Variants in E2F5 observed in about 807,000 individuals in gnomAD.
E2F5 encodes the protein transcription factor E2F5.
E2F5 carries 23 observed loss-of-function variants against 39.1 expected under a neutral mutation model. The observed-to-expected ratio is 0.59, with a 90% CI of 0.42 to 0.83. The LOEUF is 0.83. Among genes scored for constraint, E2F5 ranks in the 40% least tolerant of loss-of-function variants. The pLI is 0.00. For missense variants in E2F5, 365 were observed against 406.7 expected (o/e 0.90, Z 0.88); for synonymous variants, 145 against 157.8 (o/e 0.92, Z 0.61).
intron 1 of E2F5, among the ~76,000 whole-genome samples, chr8:85,184,112 G>C (rs1812277049): frequency 6.6e-6 from 1 of 152,142 alleles, no homozygotes; most frequent in African/African-American, 2.4e-5. Flanking sequence ...GAACGTCGAT[G>C]CAAAAATCCT....
At chr8:85,212,371 G>T in intron 7 of E2F5, 167 bp downstream of exon 7, 1 of 551,170 alleles carries the variant, frequency 1.8e-6, no homozygotes, top group Non-Finnish European at 3.2e-6. Context: ...GCAACCTTCA[G>T]AATTTATTTT....
At chr8:85,192,109 G>A (rs1812480099) in intron 1 of E2F5, among the ~76,000 whole-genome samples, 1 of 152,134 alleles carries the variant, frequency 6.6e-6, no homozygotes, top group African/African-American at 2.4e-5. Flanking sequence ...CTGAGTCTAT[G>A]GGAATAGGAA....
chr8:85,210,237 G>T (rs1274517572), intron 6 of E2F5, among the ~76,000 whole-genome samples: 1 of 152,130 alleles, frequency 6.6e-6, no homozygotes, highest in African/African-American at 2.4e-5. Flanking sequence ...GTGTCTCATT[G>T]CTAAAATGGG....
intron 1 of E2F5, among the ~76,000 whole-genome samples, chr8:85,184,392 A>G (rs995633694): frequency 1.2e-4 from 19 of 152,236 alleles, no homozygotes; most frequent in Non-Finnish European, 2.4e-4. Flanking sequence ...ATTTATGACA[A>G]ATCCACAGCC....
chr8:85,213,896 T>A lies in E2F5; in HGVS notation c.*34T>A, dbSNP rs1813020011. On this transcript the variant is annotated 3_prime_UTR_variant, in exon 8 of 8. Transcript: ENST00000416274. ...GAAACTTGGGACTGTTATCTACCTC[T>A]AACTGTGTAACATTTTAGACTTCTT... The A allele has an allele frequency of 8.2e-7, 1 of 1,223,238 alleles. No individual in the cohort carries two copies. The highest frequency in any genetic ancestry group is 1.2e-6 in the Non-Finnish European group (1 of 834,392). 75.8% of individuals were successfully genotyped at this position (1,223,238 alleles called of 1,614,324 possible).
chr8:85,203,335 C>T (rs1812732721), intron 3 of E2F5, 80 bp downstream of exon 3: 1 of 1,226,786 alleles, frequency 8.2e-7, no homozygotes. Context: ...AAAGATCATT[C>T]ACTTTGTTTT....
intron 1 of E2F5, chr8:85,200,426 A>G (rs1268485063): frequency 4.3e-6 from 2 of 470,306 alleles, no homozygotes; most frequent in Non-Finnish European, 5.6e-6. Flanking sequence ...GCAGTAATAA[A>G]TATAAATGAT....
intron 1 of E2F5, chr8:85,177,968 A>T (rs1812123115): frequency 5.6e-6 from 1 of 179,706 alleles, no homozygotes; most frequent in African/African-American, 2.4e-5. Context: ...ACCTGAGGGT[A>T]ACCGAGTGTC....
intron 4 of E2F5, 111 bp from the exon 5 acceptor site, chr8:85,207,314 C>CA (rs1463759828): frequency 5.8e-5 from 46 of 790,088 alleles, no homozygotes; most frequent in Non-Finnish European, 9.9e-6. Flanking sequence ...AGCTCAAGGT[C>CA]ACCTAGTTTG....
At chr8:85,183,280 C>G (rs1046775921) in intron 1 of E2F5, among the ~76,000 whole-genome samples, 4 of 152,122 alleles carry the variant, frequency 2.6e-5, no homozygotes, top group African/African-American at 9.7e-5. Context: ...CAACAAAAGA[C>G]CCTAGTTTGT....
At chr8:85,190,081 A>G (rs1163106548) in intron 1 of E2F5, among the ~76,000 whole-genome samples, 1 of 152,176 alleles carries the variant, frequency 6.6e-6, no homozygotes, top group Non-Finnish European at 1.5e-5. Context: ...GATCCTGCCT[A>G]GTCTGGCCCT....
intron 2 of E2F5, 38 bp from the exon 3 acceptor site, chr8:85,203,056 T>C (rs371244692): frequency 5.4e-5 from 74 of 1,363,064 alleles, no homozygotes; most frequent in Non-Finnish European, 6.5e-5. Context: ...TTAACCTAGA[T>C]CTGATACTGA....
intron 1 of E2F5, among the ~76,000 whole-genome samples, chr8:85,179,440 A>G (rs990352049): frequency 2.0e-5 from 3 of 152,156 alleles, no homozygotes; most frequent in Non-Finnish European, 4.4e-5. Flanking sequence ...TAGGATGTAA[A>G]GTTTGGTATT....
rs1228292240 is a variant in E2F5, at chr8:85,177,517, C to G, written c.97C>G (p.Pro33Ala). The change falls in exon 1 of 8, where the codon CCG becomes GCG. Residue 33 changes from proline to alanine, a missense_variant. Physicochemically the swap from Pro to Ala is conservative, Grantham distance 27. Coordinates refer to ENST00000416274, the MANE Select transcript of E2F5 (RefSeq NM_001951.4). ...GCCGCAGCCTCCGCAGGCGCAAGCC[C>G]CGCAGCCGCCCCCGCCGCCGCAGCT... Reference protein sequence around the residue: ...PPPQPPQAQAPQPPPPPQLGG... With the variant: ...PPPQPPQAQAAQPPPPPQLGG... The G allele has an allele frequency of 1.8e-6, 2 of 1,121,576 alleles. No homozygotes were observed. Among genetic ancestry groups the G allele is most frequent in the Admixed American group, 5.0e-5 (1 of 19,922 alleles). The allele number at this position is 1,121,576 out of a possible 1,614,324, so 69.5% of individuals were successfully genotyped here. A position where few individuals can be genotyped will look rare whatever the true frequency, so the allele number is the denominator to read the frequency against.
intron 4 of E2F5, 51 bp from the exon 5 acceptor site, chr8:85,207,374 T>G (rs1310846005): frequency 3.3e-5 from 48 of 1,473,396 alleles, no homozygotes; most frequent in Non-Finnish European, 3.9e-5. Context: ...TGCCACTGTA[T>G]TCCATGATCA....
At chr8:85,205,369 G>A (rs530441184) in intron 3 of E2F5, among the ~76,000 whole-genome samples, 2 of 152,196 alleles carry the variant, frequency 1.3e-5, no homozygotes, top group East Asian at 3.9e-4. Context: ...CAGAGTAGCT[G>A]TGATTACAGG....
chr8:85,187,776 G>A (rs562470939), intron 1 of E2F5: 8 of 152,152 alleles, frequency 5.3e-5, no homozygotes, highest in African/African-American at 1.9e-4. Flanking sequence ...ATCCACTTAC[G>A]TTCAGGGTTA....
At chr8:85,194,635 A>G (rs1318062655) in intron 1 of E2F5, among the ~76,000 whole-genome samples, 1 of 149,738 alleles carries the variant, frequency 6.7e-6, no homozygotes, top group Non-Finnish European at 1.5e-5. Context: ...CCCAGGTTTA[A>G]GTGATTCTCC....
At chr8:85,178,777 A>G (rs1812141468) in intron 1 of E2F5, among the ~76,000 whole-genome samples, 1 of 151,948 alleles carries the variant, frequency 6.6e-6, no homozygotes, top group Non-Finnish European at 1.5e-5. Flanking sequence ...GCAGGGGCCA[A>G]CTCTTCTGCT....
Sources: gnomAD v4.1 joint callset for allele counts (sites outside exome capture counted in the v4.1 genomes callset) on GRCh38, gnomAD v4.1.1 for gene constraint, MANE v1.5 for transcripts, NCBI Gene and HGNC (gene_info 2026-07-23, HGNC 2026-07-21) for gene names.